Variants in DENND1A observed in about 807,000 individuals in gnomAD.
The protein encoded by DENND1A is DENN domain-containing protein 1A.
A neutral mutation model predicts 113.7 loss-of-function variants in DENND1A; 51 were observed. The ratio of observed to expected loss-of-function variants is 0.45; its 90% CI spans 0.36 to 0.57. The LOEUF (loss-of-function observed/expected upper bound fraction) is 0.57. Ranked by LOEUF, DENND1A falls within the 20% of genes least tolerant of loss-of-function variation. DENND1A has a pLI of 0.00. For missense variants in DENND1A, 1,258 were observed against 1,395.9 expected, an observed-to-expected ratio of 0.90 and a Z score of 1.57; for synonymous variants, 565 against 570.8, an observed-to-expected ratio of 0.99 and a Z score of 0.14.
intron 21 of DENND1A, among the ~76,000 whole-genome samples, chr9:123,391,716 G>A (rs1049836798): frequency 8.5e-6 from 1 of 117,794 alleles, no homozygotes; most frequent in Non-Finnish European, 1.7e-5. Flanking sequence ...ATGAACCATC[G>A]AAAACGTCCA....
chr9:123,640,993 C>T (rs1038974509), intron 9 of DENND1A, among the ~76,000 whole-genome samples: 13 of 152,244 alleles, frequency 8.5e-5, no homozygotes, highest in African/African-American at 2.9e-4. Context: ...AGCTGGTAGA[C>T]TCTGAAGCTA....
chr9:123,709,228 C>T (rs1191096949), intron 5 of DENND1A, among the ~76,000 whole-genome samples: 1 of 152,206 alleles, frequency 6.6e-6, no homozygotes, highest in Non-Finnish European at 1.5e-5. Flanking sequence ...AAGGCCTCCT[C>T]TGTTCCCAGG....
At chr9:123,522,797 G>A (rs1174933000) in intron 13 of DENND1A, among the ~76,000 whole-genome samples, 1 of 152,178 alleles carries the variant, frequency 6.6e-6, no homozygotes, top group African/African-American at 2.4e-5. Flanking sequence ...TACTATATCT[G>A]CATTGGAAAC....
chr9:123,646,975 T>A (rs1247512637), intron 9 of DENND1A, among the ~76,000 whole-genome samples: 1 of 152,130 alleles, frequency 6.6e-6, no homozygotes, highest in Non-Finnish European at 1.5e-5. Context: ...GGGTATAGAA[T>A]TCTAGGTTAG....
chr9:123,417,261 C>G (rs755073479), intron 19 of DENND1A, among the ~76,000 whole-genome samples: 1 of 152,230 alleles, frequency 6.6e-6, no homozygotes, highest in Non-Finnish European at 1.5e-5. Context: ...CAGAAAAGTC[C>G]TATGGACGTG....
chr9:123,520,153 A>C (rs2054276098), intron 13 of DENND1A, among the ~76,000 whole-genome samples: 2 of 148,532 alleles, frequency 1.3e-5, no homozygotes, highest in Admixed American at 1.3e-4. Flanking sequence ...GTCTCAAAAA[A>C]AAAAAAAAAA....
At chr9:123,390,015 T>C (rs1206862592) in intron 21 of DENND1A, among the ~76,000 whole-genome samples, 2 of 152,226 alleles carry the variant, frequency 1.3e-5, no homozygotes, top group African/African-American at 4.8e-5. Flanking sequence ...TCCCCCTCCC[T>C]GTCACCTTTG....
At chr9:123,406,863 G>A (rs1183253478) in intron 20 of DENND1A, among the ~76,000 whole-genome samples, 2 of 152,154 alleles carry the variant, frequency 1.3e-5, no homozygotes, top group Non-Finnish European at 1.5e-5. Flanking sequence ...GGAAAGGTCA[G>A]ACTTTAAGGC....
intron 2 of DENND1A, among the ~76,000 whole-genome samples, chr9:123,819,739 T>C (rs967096398): frequency 6.6e-6 from 1 of 152,144 alleles, no homozygotes; most frequent in Non-Finnish European, 1.5e-5. Flanking sequence ...GGTTTCACCA[T>C]GTTGTCCACG....
chr9:123,569,319 A>G (rs1005314779), intron 12 of DENND1A, among the ~76,000 whole-genome samples: 4 of 152,226 alleles, frequency 2.6e-5, no homozygotes, highest in African/African-American at 7.2e-5. Context: ...GACCTGGGAA[A>G]AACAGAATCA....
intron 3 of DENND1A, among the ~76,000 whole-genome samples, chr9:123,779,246 T>C (rs1830892855): frequency 6.6e-6 from 1 of 152,248 alleles, no homozygotes; most frequent in African/African-American, 2.4e-5. Context: ...AACACATTGC[T>C]TGTCCAATGA....
chr9:123,910,321 G>A (rs746524281), intron 1 of DENND1A, among the ~76,000 whole-genome samples: 58 of 152,224 alleles, frequency 3.8e-4, no homozygotes, highest in Non-Finnish European at 7.6e-4. Flanking sequence ...AAATACAAAC[G>A]TATACCTGAT....
chr9:123,798,164 C>T (rs1318889741), intron 2 of DENND1A: 4 of 152,118 alleles, frequency 2.6e-5, no homozygotes, highest in African/African-American at 9.7e-5. Flanking sequence ...AATGCAATTT[C>T]ACAGCAGCCA....
chr9:123,410,269 A>G (rs1450405270), intron 20 of DENND1A, among the ~76,000 whole-genome samples: 1 of 152,196 alleles, frequency 6.6e-6, no homozygotes, highest in Non-Finnish European at 1.5e-5. Context: ...ATTCAAGCCT[A>G]GCTCTGTCGG....
intron 12 of DENND1A, among the ~76,000 whole-genome samples, chr9:123,566,526 A>G (rs2058060304): frequency 6.6e-6 from 1 of 152,212 alleles, no homozygotes; most frequent in Admixed American, 6.5e-5. Context: ...TTTGTCAGAC[A>G]AAAGCATCAA....
chr9:123,767,937 T>C (rs1397045488), intron 4 of DENND1A, among the ~76,000 whole-genome samples: 2 of 152,202 alleles, frequency 1.3e-5, no homozygotes, highest in East Asian at 3.8e-4. Flanking sequence ...TTTTTATAAA[T>C]ATGTCTTTGC....
At chr9:123,436,710 G>C (rs1484610632) in intron 19 of DENND1A, among the ~76,000 whole-genome samples, 1 of 151,816 alleles carries the variant, frequency 6.6e-6, no homozygotes, top group East Asian at 1.9e-4. Flanking sequence ...GTCTGCTTTA[G>C]AAAACAAATT....
intron 13 of DENND1A, among the ~76,000 whole-genome samples, chr9:123,497,156 T>C (rs2808397): frequency 0.87 from 132,015 of 152,212 alleles, 57,323 homozygotes; most frequent in Admixed American, 0.92. Context: ...ACGGACCACG[T>C]GGTGTTGGAA....
At chr9:123,552,035 G>GAC (rs201309457) in intron 13 of DENND1A, among the ~76,000 whole-genome samples, 6,782 of 135,702 alleles carry the variant, frequency 0.05, 246 homozygotes, top group African/African-American at 0.093. Context: ...GAGAGAGAGA[G>GAC]AGACAGAGAG....
Sources: allele counts gnomAD v4.1 joint callset (sites outside exome capture counted in the v4.1 genomes callset), GRCh38; gene constraint gnomAD v4.1.1; transcripts MANE v1.5; gene names NCBI Gene and HGNC (gene_info 2026-07-23, HGNC 2026-07-21).